KYNU: variants seen among roughly 807,000 people sequenced by gnomAD.
KYNU encodes the protein L-kynurenine hydrolase.
In KYNU, 54 loss-of-function variants were observed where a neutral mutation model predicts 59.2. The observed-to-expected ratio is 0.91, with a 90% CI of 0.73 to 1.14. The LOEUF (loss-of-function observed/expected upper bound fraction) is 1.14, where lower values mean the gene tolerates loss of function less well. Ranked by LOEUF, KYNU falls within the 50% of genes most tolerant of loss-of-function variation. KYNU has a pLI of 0.00. For missense variants in KYNU, 567 were observed against 554.4 expected (o/e 1.02, Z -0.23); for synonymous variants, 177 against 192.0 (o/e 0.92, Z 0.65).
intron 12 of KYNU, among the ~76,000 whole-genome samples, chr2:143,037,963 T>C (rs985256274): frequency 1.3e-5 from 2 of 152,158 alleles, no homozygotes; most frequent in Admixed American, 1.3e-4. Context: ...AAAGTTATTT[T>C]ATGATTTAAA....
chr2:143,032,887 A>G (rs1372268327), intron 11 of KYNU, among the ~76,000 whole-genome samples: 1 of 152,134 alleles, frequency 6.6e-6, no homozygotes, highest in Non-Finnish European at 1.5e-5. Context: ...TCTCATTGAC[A>G]TGGTTTCATA....
At chr2:142,954,170 G>T (rs1684087022) in intron 4 of KYNU, 1 of 152,126 alleles carries the variant, frequency 6.6e-6, no homozygotes, top group African/African-American at 2.4e-5. Context: ...GCAGGAATTA[G>T]ATCAGATTAT....
chr2:142,906,021 T>G (rs894134549), intron 2 of KYNU, among the ~76,000 whole-genome samples: 1 of 152,094 alleles, frequency 6.6e-6, no homozygotes, highest in African/African-American at 2.4e-5. Context: ...CTCTCCTCTC[T>G]GTCTCTTTCT....
intron 10 of KYNU, among the ~76,000 whole-genome samples, chr2:142,998,532 T>G (rs1026459835): frequency 2.0e-5 from 3 of 152,204 alleles, no homozygotes; most frequent in Non-Finnish European, 4.4e-5. Context: ...TAAACAGCGC[T>G]TATTTCTGTT....
intron 1 of KYNU, among the ~76,000 whole-genome samples, chr2:142,884,338 A>C (rs1421206110): frequency 1.3e-5 from 2 of 152,238 alleles, no homozygotes; most frequent in African/African-American, 4.8e-5. Flanking sequence ...GTTTTCACTC[A>C]CAAAAAAGGA....
At chr2:142,904,481 C>T (rs926070724) in intron 2 of KYNU, among the ~76,000 whole-genome samples, 1 of 152,136 alleles carries the variant, frequency 6.6e-6, no homozygotes, top group African/African-American at 2.4e-5. Context: ...TATGGCAGCA[C>T]TTCTCTCATT....
Position 143,002,563 on chromosome 2 carries a change from C to T in KYNU, c.902+16542C>T, listed in dbSNP as rs114026951. Reference sequence around the variant, plus strand: ...TCATACTCTTGAATTTTTAATATCACTCCACACACAGAAGTGTCAAGTACC... The same window carrying T: ...TCATACTCTTGAATTTTTAATATCATTCCACACACAGAAGTGTCAAGTACC... On this transcript the variant is annotated intron_variant, in intron 10 of 13. Coordinates refer to ENST00000264170, the MANE Select transcript of KYNU (RefSeq NM_003937.3). Among the ~76,000 whole-genome samples, 1,143 of 152,274 alleles carry T rather than the reference C, an allele frequency of 7.5e-3. 9 individuals are homozygous for T. The highest frequency in any genetic ancestry group is 0.026 in the African/African-American group (1,095 of 41,552).
intron 2 of KYNU, among the ~76,000 whole-genome samples, chr2:142,897,291 G>A (rs1681911038): frequency 6.6e-6 from 1 of 152,170 alleles, no homozygotes; most frequent in African/African-American, 2.4e-5. Flanking sequence ...TTATTTGTCT[G>A]CTAATAAAAT....
chr2:143,040,530 G>A lies in KYNU; in HGVS notation c.1144G>A (p.Ala382Thr). 1 of 1,613,260 alleles carries A rather than the reference G, an allele frequency of 6.2e-7. No homozygotes were observed. The highest frequency in any genetic ancestry group is 8.5e-7 in the Non-Finnish European group (1 of 1,179,488). Residue 382 changes from alanine to threonine, a missense_variant, in exon 13 of 14, where the codon GCA becomes ACA. Physicochemically the swap from Ala to Thr is moderately conservative, Grantham distance 58 (BLOSUM62 0). Transcript: ENST00000264170. Reference protein sequence around the residue: ...IKHNYGKDKAATKKPVVNIIT... With the variant: ...IKHNYGKDKATTKKPVVNIIT... ...GCATAACTATGGCAAAGATAAAGCA[G>A]CAACCAAGAAACCAGTTGTGAACAT...
chr2:142,893,532 A>G (rs1681776331), intron 2 of KYNU, among the ~76,000 whole-genome samples: 1 of 152,160 alleles, frequency 6.6e-6, no homozygotes, highest in Admixed American at 6.5e-5. Context: ...CGGAAATGAG[A>G]TTTTTAGGCT....
At chr2:142,955,994 T>C (rs1488233110) in intron 5 of KYNU, among the ~76,000 whole-genome samples, 1 of 152,132 alleles carries the variant, frequency 6.6e-6, no homozygotes, top group East Asian at 1.9e-4. Context: ...GCTGTTTCAT[T>C]GATAAGCAAA....
chr2:143,031,430 T>C (rs1308889577), intron 11 of KYNU, among the ~76,000 whole-genome samples: 1 of 152,228 alleles, frequency 6.6e-6, no homozygotes, highest in African/African-American at 2.4e-5. Context: ...TAAAACTGTA[T>C]TTTAAAAAGC....
intron 8 of KYNU, among the ~76,000 whole-genome samples, chr2:142,969,915 C>T (rs1021926866): frequency 3.3e-5 from 5 of 152,150 alleles, no homozygotes; most frequent in Non-Finnish European, 5.9e-5. Flanking sequence ...ATTTTTCATG[C>T]CTCTTGACTA....
Position 143,054,257 on chromosome 2 carries a change from A to C in KYNU, c.*12085A>C, listed in dbSNP as rs1217992835. 1 of 151,834 alleles carries C rather than the reference A, an allele frequency of 6.6e-6. No individual in the cohort carries two copies. Among genetic ancestry groups the C allele is most frequent in the Non-Finnish European group, 1.5e-5 (1 of 67,992 alleles). The allele number at this position is 151,834 out of a possible 1,614,324, so 9.4% of individuals were successfully genotyped here. The stretch of plus-strand genomic sequence containing the variant: ...ATGTATAAGTATTTCCCCAAGTTTC[A>C]CTTTATCTTTCTATTACTTTTTTTA... On this transcript the variant is annotated 3_prime_UTR_variant, in exon 14 of 14. Coordinates refer to ENST00000264170, the MANE Select transcript of KYNU (RefSeq NM_003937.3).
At chr2:143,013,857 T>A (rs1686180935) in intron 10 of KYNU, among the ~76,000 whole-genome samples, 1 of 152,216 alleles carries the variant, frequency 6.6e-6, no homozygotes, top group African/African-American at 2.4e-5. Flanking sequence ...CATTGAGATG[T>A]GCTTGTACCC....
At chr2:143,026,591 G>A (rs376170331) in intron 10 of KYNU, among the ~76,000 whole-genome samples, 1 of 152,192 alleles carries the variant, frequency 6.6e-6, no homozygotes, top group African/African-American at 2.4e-5. Context: ...GGGAGGGAGC[G>A]CACAGGTGAG....
intron 8 of KYNU, among the ~76,000 whole-genome samples, chr2:142,984,485 G>T (rs1472198593): frequency 6.6e-6 from 1 of 151,988 alleles, no homozygotes; most frequent in East Asian, 1.9e-4. Context: ...TTGTTTGTCA[G>T]TTGCTCTTTC....
intron 4 of KYNU, among the ~76,000 whole-genome samples, chr2:142,951,222 G>A (rs1683979339): frequency 6.6e-6 from 1 of 152,174 alleles, no homozygotes; most frequent in Admixed American, 6.6e-5. Context: ...AGTTGATGGA[G>A]GGTTGCCACA....
At chr2:142,960,594 A>T (rs1197680777) in intron 7 of KYNU, 30 bp from the exon 8 acceptor site, 1 of 1,596,292 alleles carries the variant, frequency 6.3e-7, no homozygotes, top group African/African-American at 1.3e-5. Context: ...TATTATCGAT[A>T]TGACCTAACT....
Sources: allele counts gnomAD v4.1 joint callset (sites outside exome capture counted in the v4.1 genomes callset), GRCh38; gene constraint gnomAD v4.1.1; transcripts MANE v1.5; gene names NCBI Gene and HGNC (gene_info 2026-07-23, HGNC 2026-07-21).